Variants in EDARADD observed in about 807,000 individuals in gnomAD.
EDARADD encodes the protein ectodysplasin-A receptor-associated adapter protein.
A neutral mutation model predicts 25.6 loss-of-function variants in EDARADD; 20 were observed. The observed-to-expected ratio is 0.78, with a 90% CI of 0.55 to 1.14. The LOEUF is 1.14. Ranked by LOEUF, EDARADD falls within the 50% of genes most tolerant of loss-of-function variation. The pLI is 0.00. For synonymous variants in EDARADD, 86 were observed against 94.4 expected, an observed-to-expected ratio of 0.91 and a Z score of 0.52; for missense variants, 225 against 270.1, an observed-to-expected ratio of 0.83 and a Z score of 1.17.
intron 4 of EDARADD, among the ~76,000 whole-genome samples, chr1:236,465,407 G>A (rs111453602): frequency 2.0e-5 from 3 of 151,978 alleles, no homozygotes; most frequent in Admixed American, 6.6e-5. Flanking sequence ...CTTCCAGCCC[G>A]ATTTCTGAAT....
At chr1:236,460,557 G>T (rs148432681) in intron 4 of EDARADD, among the ~76,000 whole-genome samples, 1 of 151,844 alleles carries the variant, frequency 6.6e-6, no homozygotes, top group Non-Finnish European at 1.5e-5. Flanking sequence ...ATTTTTATAC[G>T]GACTTATATT....
At position 236,373,263 on chromosome 1, in the gene EDARADD, T is replaced by C. The variant is rs906356157; in HGVS notation, c.-6+22424T>C. Reference sequence around the variant, plus strand: ...CTCTGTTGCCCAGGCTGGAGTGCAGTGGTGCCATCTTGGCTCACTGCAACC... The same window carrying C: ...CTCTGTTGCCCAGGCTGGAGTGCAGCGGTGCCATCTTGGCTCACTGCAACC... On this transcript the variant is annotated intron_variant, in intron 3 of 7. Transcript: ENST00000439430. Among the ~76,000 whole-genome samples, 22 of 151,874 alleles carry C rather than the reference T, an allele frequency of 1.4e-4. 1 individual carries two copies. Among genetic ancestry groups the C allele is most frequent in the African/African-American group, 4.8e-4 (20 of 41,286 alleles).
rs936740826 is a variant in EDARADD at position 236,482,338 on chromosome 1, A to G, written c.337A>G (p.Ser113Gly). The change falls in exon 6 of 6, where the codon AGT becomes GGT. Residue 113 changes from serine to glycine, a missense_variant. Physicochemically the swap from Ser to Gly is moderately conservative, Grantham distance 56 (BLOSUM62 0). Coordinates refer to ENST00000334232, the MANE Select transcript of EDARADD (RefSeq NM_145861.4). Reference sequence around the variant, plus strand: ...CTGCTTGCTCCGGGCCCCCACCATAAGTGACTTGCTCAATGATCAGGACTT... The same window carrying G: ...CTGCTTGCTCCGGGCCCCCACCATAGGTGACTTGCTCAATGATCAGGACTT... ...SSCLLRAPTISDLLNDQDLLD... is the reference protein window; with the variant it reads ...SSCLLRAPTIGDLLNDQDLLD... 1 of 1,613,986 alleles carries G rather than the reference A, an allele frequency of 6.2e-7. No homozygotes were observed. The highest frequency in any genetic ancestry group is 8.5e-7 in the Non-Finnish European group (1 of 1,180,034).
At chr1:236,427,812 A>G (rs1436966160) in intron 4 of EDARADD, among the ~76,000 whole-genome samples, 1 of 152,126 alleles carries the variant, frequency 6.6e-6, no homozygotes. Flanking sequence ...AATACTTGTA[A>G]TGCTTTATTA....
At chr1:236,379,092 G>C (rs561440789) in intron 3 of EDARADD, among the ~76,000 whole-genome samples, 1 of 152,116 alleles carries the variant, frequency 6.6e-6, no homozygotes, top group African/African-American at 2.4e-5. Context: ...AAAGTCAGTC[G>C]GGCGCGGTGG....
rs143018378 is a variant in EDARADD, at chr1:236,450,775, C to T, written c.220-17456C>T. Among the ~76,000 whole-genome samples the T allele has an allele frequency of 4.3e-3, 661 of 152,216 alleles. 2 individuals carry two copies. The highest frequency in any genetic ancestry group is 7.2e-3 in the Non-Finnish European group (487 of 68,014). ...TGTTGGCCAGGTTGGTCTCAAACTCCGGACCTTAGGTGAGCCACCCTCCTC... is the reference window on the plus strand; with the variant it reads ...TGTTGGCCAGGTTGGTCTCAAACTCTGGACCTTAGGTGAGCCACCCTCCTC... On this transcript the variant is annotated intron_variant, in intron 4 of 5. Coordinates refer to ENST00000334232, the MANE Select transcript of EDARADD (RefSeq NM_145861.4).
chr1:236,484,414 TGG>T lies in EDARADD; in HGVS notation c.*1767_*1768del. On this transcript the variant is annotated 3_prime_UTR_variant, in exon 6 of 6. Coordinates refer to ENST00000334232, the MANE Select transcript of EDARADD (RefSeq NM_145861.4). The surrounding 1 kb of genome is among the most constrained non-coding windows in gnomAD (Gnocchi z 4.1). Reference sequence around the variant, plus strand: ...CAGCTCCTCAGAATTGAAGAGGAGCTGGGCAGCAAGGCTAAGTTTGCCGGCAG... The same window carrying T: ...CAGCTCCTCAGAATTGAAGAGGAGCTGCAGCAAGGCTAAGTTTGCCGGCAG... 6.2e-7 allele frequency: 1 copy of T among 1,610,328 alleles called. No homozygotes were observed. Among genetic ancestry groups the T allele is most frequent in the South Asian group, 1.1e-5 (1 of 90,994 alleles).
At chr1:236,450,118 A>G (rs1658670889) in intron 4 of EDARADD, among the ~76,000 whole-genome samples, 1 of 151,768 alleles carries the variant, frequency 6.6e-6, no homozygotes, top group South Asian at 2.1e-4. Context: ...AAAAAAAAGT[A>G]ATAGGCTTAT....
chr1:236,431,487 T>C (rs1441449567), intron 4 of EDARADD, among the ~76,000 whole-genome samples: 2 of 152,234 alleles, frequency 1.3e-5, no homozygotes. Context: ...TTTAGTTATT[T>C]AAAATCAATA....
At chr1:236,414,932 C>T (rs1461529878) in intron 3 of EDARADD, among the ~76,000 whole-genome samples, 1 of 152,148 alleles carries the variant, frequency 6.6e-6, no homozygotes, top group Non-Finnish European at 1.5e-5. Context: ...TGCATCCAAG[C>T]ATCTAAGTGA....
chr1:236,415,401 C>T (rs976229627), intron 3 of EDARADD, among the ~76,000 whole-genome samples: 17 of 152,182 alleles, frequency 1.1e-4, no homozygotes, highest in Non-Finnish European at 8.8e-5. Context: ...CCTAGCCTTC[C>T]ATAACCTCTC....
intron 2 of EDARADD, among the ~76,000 whole-genome samples, 159 bp downstream of exon 2, chr1:236,409,433 A>G (rs777665358): frequency 1.3e-4 from 20 of 152,182 alleles, no homozygotes; most frequent in Admixed American, 9.2e-4. Flanking sequence ...TCTACGTGAT[A>G]ATAATAAACT....
At chr1:236,474,971 A>G (rs531696716) in intron 5 of EDARADD, among the ~76,000 whole-genome samples, 1 of 152,234 alleles carries the variant, frequency 6.6e-6, no homozygotes, top group East Asian at 1.9e-4. Context: ...CGTCTCTATT[A>G]AAAATACAAA....
intron 4 of EDARADD, among the ~76,000 whole-genome samples, chr1:236,431,330 C>G (rs1157494781): frequency 6.6e-6 from 1 of 152,052 alleles, no homozygotes; most frequent in African/African-American, 2.4e-5. Flanking sequence ...GCTTGTGGTC[C>G]CAGCTACTCA....
upstream of EDARADD, among the ~76,000 whole-genome samples, chr1:236,389,809 C>T (rs2102998256): frequency 6.6e-6 from 1 of 152,056 alleles, no homozygotes; most frequent in East Asian, 1.9e-4. Flanking sequence ...CGAGACCTGC[C>T]TAGGTAATGT....
intron 3 of EDARADD, among the ~76,000 whole-genome samples, chr1:236,380,205 A>C (rs1016654951): frequency 4.6e-5 from 7 of 152,258 alleles, no homozygotes; most frequent in Non-Finnish European, 1.0e-4. Context: ...AAGGATTAAA[A>C]TAGTGTGACA....
intron 3 of EDARADD, among the ~76,000 whole-genome samples, chr1:236,354,203 G>A (rs1666950152): frequency 6.6e-6 from 1 of 152,102 alleles, no homozygotes; most frequent in African/African-American, 2.4e-5. Flanking sequence ...GTATTGCAGC[G>A]CCTACCCAGG....
intron 4 of EDARADD, among the ~76,000 whole-genome samples, chr1:236,441,533 A>G (rs1319594684): frequency 6.8e-6 from 1 of 147,502 alleles, no homozygotes; most frequent in East Asian, 1.9e-4. Flanking sequence ...TTATATATAT[A>G]TATTTTTTGA....
chr1:236,391,592 G>C (rs940714670), upstream of EDARADD, among the ~76,000 whole-genome samples: 4 of 152,150 alleles, frequency 2.6e-5, no homozygotes, highest in African/African-American at 7.2e-5. Flanking sequence ...AGCCCAGTTT[G>C]CTGGGTTTTA....
Sources: allele counts gnomAD v4.1 joint callset (sites outside exome capture counted in the v4.1 genomes callset), GRCh38; gene constraint gnomAD v4.1.1; non-coding constraint Gnocchi (gnomAD v3.1); transcripts MANE v1.5; gene names NCBI Gene and HGNC (gene_info 2026-07-23, HGNC 2026-07-21).